The following PDS5B variants were observed in gnomAD, a reference collection of about 807,000 sequenced individuals.
PDS5B encodes PDS5 cohesin associated factor B.
Under a neutral mutation model 184.1 loss-of-function variants are expected in PDS5B, and 51 were observed. The observed-to-expected ratio is 0.28, with a 90% CI of 0.22 to 0.35. PDS5B has a LOEUF of 0.35. Among genes scored for constraint, PDS5B ranks in the 10% least tolerant of loss-of-function variants. The pLI, the probability that PDS5B is intolerant of heterozygous loss-of-function variation, is 1.00. For synonymous variants in PDS5B, 566 were observed against 569.2 expected (o/e 0.99, Z 0.08); for missense variants, 1,180 against 1,723.3 (o/e 0.68, Z 5.58).
chr13:32,604,020 A>G (rs2058020817), intron 1 of PDS5B, among the ~76,000 whole-genome samples: 1 of 152,224 alleles, frequency 6.6e-6, no homozygotes, highest in Non-Finnish European at 1.5e-5. Flanking sequence ...GTCATCTGCA[A>G]GCAGGGACAA....
At chr13:32,712,172 A>G (rs1425240795) in intron 19 of PDS5B, among the ~76,000 whole-genome samples, 1 of 152,238 alleles carries the variant, frequency 6.6e-6, no homozygotes, top group Non-Finnish European at 1.5e-5. Flanking sequence ...TTAAAGAAAC[A>G]TGGTTTGATA....
intron 12 of PDS5B, 44 bp downstream of exon 12, chr13:32,687,329 T>TA: frequency 7.2e-7 from 1 of 1,379,952 alleles, no homozygotes; most frequent in South Asian, 1.3e-5. Context: ...TTGAATGTTA[T>TA]ATAACTTGAT....
In PDS5B at chr13:32,693,371, C is replaced by A. The variant is rs536849988; in HGVS notation, c.1470-852C>A. Among the ~76,000 whole-genome samples the A allele has an allele frequency of 3.8e-4, 58 of 151,976 alleles. 1 individual carries two copies. The highest frequency in any genetic ancestry group is 1.3e-3 in the African/African-American group (55 of 41,530). ...GTGTCCCAAATTTGAACTGGTTTAT[C>A]TCCTTTAAAAAATCCAAAGGCATTT... is the stretch of plus-strand genomic sequence containing the variant. On this transcript the variant is annotated intron_variant, in intron 13 of 34. Coordinates refer to ENST00000315596, the MANE Select transcript of PDS5B (RefSeq NM_015032.4).
chr13:32,773,708 T>C (rs1437402307), intron 34 of PDS5B, among the ~76,000 whole-genome samples: 1 of 152,202 alleles, frequency 6.6e-6, no homozygotes, highest in Non-Finnish European at 1.5e-5. Context: ...TTACACAGAA[T>C]AAAATCAGCC....
chr13:32,681,639 G>A (rs1490310841), intron 10 of PDS5B, among the ~76,000 whole-genome samples: 2 of 131,926 alleles, frequency 1.5e-5, no homozygotes, highest in South Asian at 2.2e-4. Flanking sequence ...AAAAAAAAGT[G>A]AGGCTTTGAT....
intron 1 of PDS5B, among the ~76,000 whole-genome samples, chr13:32,639,646 C>T (rs1027859986): frequency 5.9e-5 from 9 of 152,168 alleles, no homozygotes; most frequent in Admixed American, 2.6e-4. Flanking sequence ...CAAGAATAAG[C>T]TAAACTTCTT....
In PDS5B at chr13:32,625,263, G is replaced by T. The variant is rs181222324; in HGVS notation, c.-19-23491G>T. Among the ~76,000 whole-genome samples the T allele has an allele frequency of 1.7e-3, 255 of 152,234 alleles. 2 individuals carry two copies. Among genetic ancestry groups the T allele is most frequent in the South Asian group, 7.7e-3 (37 of 4,820 alleles). On this transcript the variant is annotated intron_variant, in intron 1 of 34. Coordinates refer to ENST00000315596, the MANE Select transcript of PDS5B (RefSeq NM_015032.4). Reference sequence around the variant, plus strand: ...TTCTGAGTAGCTGGGACTAAAGGGTGTGAGGTGGCAAGATCATAACTCTCT... The same window carrying T: ...TTCTGAGTAGCTGGGACTAAAGGGTTTGAGGTGGCAAGATCATAACTCTCT...
Position 32,735,061 on chromosome 13 carries a change from GAATTACAAAATA to G in PDS5B, c.2248-94_2248-83del, listed in dbSNP as rs138476429. The G allele has an allele frequency of 1.7e-4, 102 of 616,260 alleles. No homozygotes were observed. The African/African-American group carries it at 1.8e-3, about 11-fold the overall frequency. 38.2% of individuals were successfully genotyped at this position (616,260 alleles called of 1,614,324 possible). A position where few individuals can be genotyped will look rare whatever the true frequency, so the allele number is the denominator to read the frequency against. ...GAAATTTTTGTAGTTTTTATAATTTGAATTACAAAATAAATTACAAAATAAATTTTGTAATTT... is the reference window on the plus strand; with the variant it reads ...GAAATTTTTGTAGTTTTTATAATTTGAATTACAAAATAAATTTTGTAATTT... On this transcript the variant is annotated intron_variant, in intron 20 of 34. Coordinates refer to ENST00000315596, the MANE Select transcript of PDS5B (RefSeq NM_015032.4).
At position 32,710,513 on chromosome 13, in the gene PDS5B, C is replaced by T. The variant is rs1187226855; in HGVS notation, c.2123+407C>T. ...AGTGCTTTAATTGACACAGGGAAGT[C>T]GAGAAGCATGGAATACTTACCTTAA... On this transcript the variant is annotated intron_variant, in intron 19 of 34. Transcript: ENST00000315596. Among the ~76,000 whole-genome samples the T allele has an allele frequency of 3.3e-5, 5 of 152,126 alleles. No homozygotes were observed. The South Asian group carries it at 6.2e-4, about 19-fold the overall frequency.
intron 3 of PDS5B, chr13:32,652,517 T>A (rs1438664895): frequency 6.7e-6 from 1 of 150,278 alleles, no homozygotes; most frequent in Admixed American, 6.7e-5. Context: ...GCAGGATGAT[T>A]ACTTGAGTTC....
intron 7 of PDS5B, among the ~76,000 whole-genome samples, chr13:32,671,608 AAAAG>A (rs1950937842): frequency 6.6e-6 from 1 of 152,224 alleles, no homozygotes; most frequent in South Asian, 2.1e-4. Context: ...TTAAAACCAA[AAAAG>A]AAAGAATAGC....
chr13:32,637,374 A>G (rs76552088), intron 1 of PDS5B, among the ~76,000 whole-genome samples: 2,556 of 152,302 alleles, frequency 0.017, 50 homozygotes, highest in African/African-American at 0.052. Context: ...CATGAAGGCA[A>G]CACACACTGA....
intron 1 of PDS5B, among the ~76,000 whole-genome samples, chr13:32,594,546 G>T (rs972078999): frequency 6.6e-6 from 1 of 152,196 alleles, no homozygotes; most frequent in South Asian, 2.1e-4. Flanking sequence ...GACAAATGGA[G>T]ATTAGTCATG....
chr13:32,627,016 T>C (rs1275728642), intron 1 of PDS5B, among the ~76,000 whole-genome samples: 1 of 152,056 alleles, frequency 6.6e-6, no homozygotes, highest in African/African-American at 2.4e-5. Context: ...TCTAGCACTT[T>C]TTTTTATCAC....
intron 1 of PDS5B, among the ~76,000 whole-genome samples, chr13:32,625,002 A>G (rs1306089218): frequency 1.3e-5 from 2 of 152,160 alleles, no homozygotes; most frequent in African/African-American, 4.8e-5. Context: ...CAGCAATGTG[A>G]TAACAGTTTT....
chr13:32,669,329 T>G (rs1950875569), intron 7 of PDS5B, among the ~76,000 whole-genome samples: 1 of 151,958 alleles, frequency 6.6e-6, no homozygotes, highest in South Asian at 2.1e-4. Context: ...CTTATTTTGA[T>G]TTCTTTTTCT....
chr13:32,643,449 A>G (rs761196050), intron 1 of PDS5B, among the ~76,000 whole-genome samples: 2 of 152,154 alleles, frequency 1.3e-5, no homozygotes, highest in Non-Finnish European at 2.9e-5. Context: ...AAAAACTTAG[A>G]TATGAAAGTG....
intron 1 of PDS5B, among the ~76,000 whole-genome samples, chr13:32,630,702 A>C (rs1468364385): frequency 6.6e-6 from 1 of 151,912 alleles, no homozygotes; most frequent in African/African-American, 2.4e-5. Flanking sequence ...ATGGTTTATC[A>C]TCATTCTTTT....
chr13:32,721,883 G>A (rs12874780), intron 19 of PDS5B, among the ~76,000 whole-genome samples: 3 of 141,480 alleles, frequency 2.1e-5, no homozygotes, highest in Non-Finnish European at 3.1e-5. Flanking sequence ...CTGGGTGGCC[G>A]GGCAGAGGGG....
Sources: gnomAD v4.1 joint callset for allele counts (sites outside exome capture counted in the v4.1 genomes callset) on GRCh38, gnomAD v4.1.1 for gene constraint, MANE v1.5 for transcripts, NCBI Gene and HGNC (gene_info 2026-07-23, HGNC 2026-07-21) for gene names.